The following TENM2 variants were observed in gnomAD, a reference collection of about 807,000 sequenced individuals.
The protein encoded by TENM2 is teneurin-2.
Under a neutral mutation model 245.2 loss-of-function variants are expected in TENM2, and 52 were observed. That is an observed-to-expected ratio of 0.21 (90% CI 0.17 to 0.27). The LOEUF (loss-of-function observed/expected upper bound fraction) is 0.27, where lower values mean the gene tolerates loss of function less well. TENM2 is among the 10% of genes least tolerant of loss of function. TENM2 has a pLI of 1.00. For synonymous variants in TENM2, 1,363 were observed against 1,438.9 expected, an observed-to-expected ratio of 0.95 and a Z score of 1.19; for missense variants, 3,046 against 3,666.8, an observed-to-expected ratio of 0.83 and a Z score of 4.37.
intron 2 of TENM2, among the ~76,000 whole-genome samples, chr5:167,412,610 C>A (rs578114920): frequency 6.6e-6 from 1 of 152,220 alleles, no homozygotes; most frequent in South Asian, 2.1e-4. Context: ...TTAAGGCATA[C>A]TTCTTCCTTG....
chr5:167,061,581 T>C, the TENM2 span, among the ~76,000 whole-genome samples: 1 of 152,142 alleles, frequency 6.6e-6, no homozygotes, highest in Non-Finnish European at 1.5e-5. Flanking sequence ...GCCACAGTAA[T>C]TTTTCTCACA....
chr5:167,383,201 A>G (rs896174081), intron 2 of TENM2, among the ~76,000 whole-genome samples: 1 of 152,138 alleles, frequency 6.6e-6, no homozygotes, highest in Non-Finnish European at 1.5e-5. Flanking sequence ...TAAATTGACC[A>G]AATTCCAGGG....
At chr5:167,306,631 A>G (rs2127745494) in intron 1 of TENM2, 1 of 152,288 alleles carries the variant, frequency 6.6e-6, no homozygotes, top group African/African-American at 2.4e-5. Flanking sequence ...GTGATAAGAA[A>G]ACAAAACAAA....
chr5:167,721,965 G>A (rs995641050), intron 2 of TENM2, among the ~76,000 whole-genome samples: 6 of 152,146 alleles, frequency 3.9e-5, no homozygotes, highest in South Asian at 2.1e-4. Flanking sequence ...TAACCCAGAC[G>A]TGAAATCCTC....
chr5:167,776,099 G>A (rs1409275582), intron 2 of TENM2, among the ~76,000 whole-genome samples: 1 of 146,498 alleles, frequency 6.8e-6, no homozygotes, highest in Admixed American at 6.9e-5. Context: ...ATTGTTAAGT[G>A]AAAGAAGCTT....
intron 2 of TENM2, among the ~76,000 whole-genome samples, chr5:167,540,091 T>A (rs559936077): frequency 6.6e-6 from 1 of 152,318 alleles, no homozygotes; most frequent in African/African-American, 2.4e-5. Flanking sequence ...TCGAAAAATA[T>A]TTAAATTACA....
intron 2 of TENM2, among the ~76,000 whole-genome samples, chr5:167,825,710 C>G (rs986464378): frequency 2.6e-5 from 4 of 152,048 alleles, no homozygotes; most frequent in African/African-American, 9.7e-5. Context: ...CCATGGAAAC[C>G]TGGGATTGGG....
chr5:167,604,818 A>G (rs968148493), intron 2 of TENM2, among the ~76,000 whole-genome samples: 2 of 152,070 alleles, frequency 1.3e-5, no homozygotes, highest in African/African-American at 4.8e-5. Context: ...AAAATGCAGA[A>G]CTATTAAGTG....
intron 2 of TENM2, among the ~76,000 whole-genome samples, chr5:167,380,089 G>A (rs1489741470): frequency 6.6e-6 from 1 of 151,956 alleles, no homozygotes; most frequent in African/African-American, 2.4e-5. Context: ...AAAAACGAAG[G>A]ACACAGACAC....
At chr5:167,027,022 A>G in the TENM2 span, among the ~76,000 whole-genome samples, 2 of 152,178 alleles carry the variant, frequency 1.3e-5, no homozygotes, top group African/African-American at 2.4e-5. Context: ...ATCAACTTCT[A>G]TCGTTGGAGT....
At chr5:167,635,936 G>T in intron 2 of TENM2, among the ~76,000 whole-genome samples, 1 of 151,694 alleles carries the variant, frequency 6.6e-6, no homozygotes, top group African/African-American at 2.4e-5. Context: ...GAGTCACAGC[G>T]CCCGGCCCAG....
intron 25 of TENM2, 27 bp downstream of exon 27, chr5:168,228,157 C>T (rs775325533): frequency 1.9e-6 from 3 of 1,539,248 alleles, no homozygotes; most frequent in East Asian, 4.5e-5. Context: ...AATCTGTTAC[C>T]ACAGAGTGGG....
the TENM2 span, among the ~76,000 whole-genome samples, chr5:167,166,644 C>G: frequency 6.6e-6 from 1 of 151,384 alleles, no homozygotes; most frequent in Non-Finnish European, 1.5e-5. Context: ...CTTTATATAC[C>G]CTTTTAGCCA....
intron 2 of TENM2, among the ~76,000 whole-genome samples, chr5:167,635,798 C>A (rs1779171363): frequency 6.6e-6 from 1 of 151,678 alleles, no homozygotes; most frequent in African/African-American, 2.4e-5. Context: ...GCGCCTGCCA[C>A]CACGCCCAGC....
At chr5:167,698,725 C>T (rs1757950860) in intron 2 of TENM2, among the ~76,000 whole-genome samples, 1 of 140,910 alleles carries the variant, frequency 7.1e-6, no homozygotes, top group Admixed American at 7.0e-5. Context: ...GCTCTTTTGC[C>T]CCGGCTAGAG....
chr5:167,538,591 G>A (rs1048211140), intron 2 of TENM2, among the ~76,000 whole-genome samples: 3 of 152,176 alleles, frequency 2.0e-5, no homozygotes, highest in Admixed American at 1.3e-4. Context: ...GGAGCACCAT[G>A]AATTCTAAGC....
chr5:167,921,386 T>A (rs1777359473), intron 3 of TENM2, among the ~76,000 whole-genome samples: 1 of 152,148 alleles, frequency 6.6e-6, no homozygotes, highest in Non-Finnish European at 1.5e-5. Context: ...TTCGCAGGAG[T>A]TGAGTTCCTA....
chr5:168,234,427 C>A (rs952842046), intron 25 of TENM2, among the ~76,000 whole-genome samples: 3 of 151,992 alleles, frequency 2.0e-5, no homozygotes, highest in African/African-American at 7.2e-5. Context: ...AGCACCTAGA[C>A]AGGGAAGCCC....
At chr5:167,185,948 G>A in the TENM2 span, among the ~76,000 whole-genome samples, 1 of 152,148 alleles carries the variant, frequency 6.6e-6, no homozygotes, top group South Asian at 2.1e-4. Context: ...CTGACTCCTC[G>A]GAATATCTAC....
Sources: allele counts gnomAD v4.1 joint callset (sites outside exome capture counted in the v4.1 genomes callset), GRCh38; gene constraint gnomAD v4.1.1; transcripts MANE v1.5; gene names NCBI Gene and HGNC (gene_info 2026-07-23, HGNC 2026-07-21).